The following COL18A1 variants were observed in gnomAD, a reference collection of about 807,000 sequenced individuals.
COL18A1 encodes collagen alpha-1(XVIII) chain.
In COL18A1, 133 loss-of-function variants were observed where a neutral mutation model predicts 168.0. The ratio of observed to expected loss-of-function variants is 0.79; its 90% CI spans 0.69 to 0.91. COL18A1 has a LOEUF of 0.91. COL18A1 is among the 40% of genes least tolerant of loss of function. The pLI, the probability that COL18A1 is intolerant of heterozygous loss-of-function variation, is 0.00. For synonymous variants in COL18A1, 949 were observed against 809.0 expected (o/e 1.17, Z -2.94); for missense variants, 2,126 against 1,925.4 (o/e 1.10, Z -1.95).
In COL18A1 at chr21:45,504,528, C is replaced by G; in HGVS notation, c.2840C>G (p.Pro947Arg). The change falls in exon 34 of 42, where the codon CCA becomes CGA. Residue 947 changes from proline to arginine, a missense_variant. Pro to Arg is a moderately radical substitution (Grantham distance 103). Coordinates refer to ENST00000651438, the MANE Select transcript of COL18A1 (RefSeq NM_001379500.1). Reference protein sequence around the residue: ...LPGPPGPPGPPGPRGYPGIPG... With the variant: ...LPGPPGPPGPRGPRGYPGIPG... ...GGCCCCCCCGGCCCCCCAGGCCCCC[C>G]AGGCCCACGTGGCTACCCTGGGATT... 1 of 818,490 alleles carries G rather than the reference C, an allele frequency of 1.2e-6. No individual in the cohort carries two copies. The highest frequency in any genetic ancestry group is 2.2e-5 in the African/African-American group (1 of 46,342). 50.7% of individuals were successfully genotyped at this position (818,490 alleles called of 1,614,324 possible).
chr21:45,405,311 GGGCTCGGCC>G (rs1174840734), intron 1 of COL18A1, 59 bp from the exon 2 acceptor site: 49 of 1,074,142 alleles, frequency 4.6e-5, no homozygotes, highest in African/African-American at 4.5e-4. Context: ...GGGGGTCGCG[GGGCTCGGCC>G]GGGTCCTGCG....
rs1031156210 is a variant in COL18A1 at position 45,457,896 on chromosome 21, C to T, written c.107-10346C>T. 1.3e-5 allele frequency among the ~76,000 whole-genome samples: 2 copies of T among 152,102 alleles called. No homozygotes were observed. Among genetic ancestry groups the T allele is most frequent in the African/African-American group, 4.8e-5 (2 of 41,414 alleles). On this transcript the variant is annotated intron_variant, in intron 2 of 41. Coordinates refer to ENST00000651438, the MANE Select transcript of COL18A1 (RefSeq NM_001379500.1). This position sits in a 1 kb window ranked among gnomAD's most constrained non-coding sequence, Gnocchi z 4.6. ...TGCAGTGGAAATTCTGGTGGACGCC[C>T]ACCCACCAGGCTCCGTGAGGGATGA...
At chr21:45,493,877 G>A (rs781269955) in intron 26 of COL18A1, 254 of 451,844 alleles carry the variant, frequency 5.6e-4, no homozygotes, top group Non-Finnish European at 6.3e-4. Flanking sequence ...TGGCCTGTGG[G>A]GTGCAGGAGC....
At chr21:45,494,143 C>T (rs1486927644) in intron 26 of COL18A1, 1 of 382,522 alleles carries the variant, frequency 2.6e-6, no homozygotes, top group Non-Finnish European at 4.9e-6. Flanking sequence ...TTGGGGTGGG[C>T]CTCAGACACA....
At chr21:45,421,094 CCCTGCCCGGTACCGGGTCAGCTGGTG>C (rs1243674347) in intron 2 of COL18A1, 2 of 270,448 alleles carry the variant, frequency 7.4e-6, no homozygotes, top group African/African-American at 2.3e-5. Context: ...CTGCACTGGT[CCCTGCCCGGTACCGGGTCAGCTGGTG>C]CCTGCCTGTC....
intron 14 of COL18A1, 96 bp from the exon 15 acceptor site, chr21:45,482,699 C>T (rs1259713243): frequency 2.8e-5 from 44 of 1,585,826 alleles, no homozygotes; most frequent in South Asian, 1.8e-4. Context: ...AGCAGGGACC[C>T]GGGTCGGGGC....
intron 2 of COL18A1, among the ~76,000 whole-genome samples, chr21:45,460,986 T>A (rs1377500577): frequency 6.6e-6 from 1 of 152,130 alleles, no homozygotes; most frequent in Non-Finnish European, 1.5e-5. Context: ...TCCTTTTACG[T>A]ATATTTGGGT....
chr21:45,406,341 G>A (rs2033109589), intron 2 of COL18A1, among the ~76,000 whole-genome samples: 1 of 152,242 alleles, frequency 6.6e-6, no homozygotes. Flanking sequence ...GCTTGCTACA[G>A]CGGGTGAGGA....
In COL18A1 at chr21:45,486,918, G is replaced by A. The variant is rs560016001; in HGVS notation, c.1759G>A (p.Ala587Thr). Residue 587 changes from alanine (A) to threonine (T), a missense_variant, in exon 16 of 42, where the codon GCC (alanine) becomes ACC (threonine). Transcript: ENST00000651438. ...GARGESGLAG[A>T]PGPAGPPGPP... Reference sequence around the variant, plus strand: ...TCGTGGGGAGAGCGGCCTGGCAGGAGCCCCCGGACCTGCTGGACCACCAGG... The same window carrying A: ...TCGTGGGGAGAGCGGCCTGGCAGGAACCCCCGGACCTGCTGGACCACCAGG... The A allele has an allele frequency of 1.3e-6, 2 of 1,520,550 alleles. No homozygotes were observed. Among genetic ancestry groups the A allele is most frequent in the Non-Finnish European group, 8.8e-7 (1 of 1,134,666 alleles). 94.2% of individuals were successfully genotyped at this position (1,520,550 alleles called of 1,614,324 possible).
In COL18A1 at chr21:45,480,836, C is replaced by T; in HGVS notation, c.1589C>T (p.Pro530Leu). Residue 530 changes from proline (P) to leucine (L), a missense_variant, in exon 13 of 42, where the codon CCC becomes CTC. Pro to Leu is a moderately conservative substitution (Grantham distance 98). Transcript: ENST00000651438. Reference protein sequence around the residue: ...GLPGVPGREGPPGFPGLPGPP... With the variant: ...GLPGVPGREGLPGFPGLPGPP... ...CCTGGTGTGCCTGGGCGCGAGGGTCCCCCCGGGTTTCCTGGCCTCCCGGTA... is the reference window on the plus strand; with the variant it reads ...CCTGGTGTGCCTGGGCGCGAGGGTCTCCCCGGGTTTCCTGGCCTCCCGGTA... The T allele has an allele frequency of 6.2e-7, 1 of 1,611,408 alleles. No individual in the cohort carries two copies. Among genetic ancestry groups the T allele is most frequent in the East Asian group, 2.2e-5 (1 of 44,824 alleles).
chr21:45,480,576 C>A, intron 12 of COL18A1, 56 bp downstream of exon 12: 1 of 1,613,860 alleles, frequency 6.2e-7, no homozygotes, highest in Non-Finnish European at 8.5e-7. Flanking sequence ...GAGGAACAGG[C>A]CATGGACCCC....
rs748442048 is a variant in COL18A1 at position 45,504,440 on chromosome 21, G to A, written c.2752G>A (p.Ala918Thr). Residue 918 changes from alanine to threonine, a missense_variant, in exon 34 of 42, where the codon GCA (alanine) becomes ACA (threonine). By Grantham distance (58) the Ala-to-Thr change is moderately conservative. Coordinates refer to ENST00000651438, the MANE Select transcript of COL18A1 (RefSeq NM_001379500.1). ...GGGGGAGAAGGGAGACCGAGGTGAT[G>A]CAGGACAGAAAGGCGAAAGGGGGGA... ...MKGEKGDRGD[A>T]GQKGERGEPG... The A allele has an allele frequency of 6.2e-6, 10 of 1,611,880 alleles. No homozygotes were observed. The South Asian group carries it at 9.9e-5, about 16-fold the overall frequency.
At chr21:45,438,777 G>A (rs1200186578) in intron 2 of COL18A1, among the ~76,000 whole-genome samples, 4 of 152,260 alleles carry the variant, frequency 2.6e-5, no homozygotes, top group Non-Finnish European at 5.9e-5. Flanking sequence ...ATCCTTGCAG[G>A]CAGAGTGGCT....
intron 2 of COL18A1, among the ~76,000 whole-genome samples, chr21:45,450,801 C>T (rs990500179): frequency 1.1e-4 from 16 of 152,232 alleles, no homozygotes; most frequent in African/African-American, 3.1e-4. Flanking sequence ...TCAGGCCTCC[C>T]TCCCGGTGTG....
At chr21:45,495,157 C>G in intron 28 of COL18A1, 1 of 656,576 alleles carries the variant, frequency 1.5e-6, no homozygotes, top group South Asian at 1.7e-5. Context: ...CCTGTGTGTG[C>G]TAGGCTCAGT....
intron 2 of COL18A1, chr21:45,421,095 C>T: frequency 3.5e-6 from 1 of 282,096 alleles, no homozygotes; most frequent in South Asian, 3.4e-5. Context: ...TGCACTGGTC[C>T]CTGCCCGGTA....
chr21:45,503,688 A>G (rs2036997733), intron 32 of COL18A1, among the ~76,000 whole-genome samples: 1 of 151,434 alleles, frequency 6.6e-6, no homozygotes, highest in South Asian at 2.1e-4. Flanking sequence ...CTAATGCTAG[A>G]TGACGAGTTA....
Position 45,473,799 on chromosome 21 carries a change from C to A in COL18A1, c.652-96C>A. On this transcript the variant is annotated intron_variant, in intron 3 of 41. Transcript: ENST00000651438. The surrounding 1 kb of genome is among the most constrained non-coding windows in gnomAD (Gnocchi z 4.0). ...CTTCCCTCTCCGAGACTCTCCTGCCCTTTGTGGGCCCCCCGAAATCTGGAG... is the reference window on the plus strand; with the variant it reads ...CTTCCCTCTCCGAGACTCTCCTGCCATTTGTGGGCCCCCCGAAATCTGGAG... 9.5e-7 allele frequency: 1 copy of A among 1,049,576 alleles called. No individual in the cohort carries two copies. Among genetic ancestry groups the A allele is most frequent in the Non-Finnish European group, 1.4e-6 (1 of 696,470 alleles). 65.0% of individuals were successfully genotyped at this position (1,049,576 alleles called of 1,614,324 possible). A position where few individuals can be genotyped will look rare whatever the true frequency, so the allele number is the denominator to read the frequency against.
At chr21:45,505,079 G>C (rs563486294) in intron 34 of COL18A1, 55 bp from the exon 35 acceptor site, 2 of 1,583,794 alleles carry the variant, frequency 1.3e-6, no homozygotes, top group African/African-American at 2.7e-5. Context: ...AAGCTTGCCC[G>C]CCCCCAGTCC....
Sources: gnomAD v4.1 joint callset for allele counts (sites outside exome capture counted in the v4.1 genomes callset) on GRCh38, gnomAD v4.1.1 for gene constraint, Gnocchi (gnomAD v3.1) non-coding constraint, MANE v1.5 for transcripts, NCBI Gene and HGNC (gene_info 2026-07-23, HGNC 2026-07-21) for gene names.